The following RBFOX1 variants were observed in gnomAD, a reference collection of about 807,000 sequenced individuals.
RBFOX1 encodes the protein RNA binding protein fox-1 homolog 1.
Under a neutral mutation model 57.7 loss-of-function variants are expected in RBFOX1, and 8 were observed. The ratio of observed to expected loss-of-function variants is 0.14; its 90% CI spans 0.08 to 0.25. The LOEUF (loss-of-function observed/expected upper bound fraction) is 0.25. Among genes scored for constraint, RBFOX1 ranks in the 10% least tolerant of loss-of-function variants. The pLI is 1.00. For missense variants in RBFOX1, 611 were observed against 548.5 expected, an observed-to-expected ratio of 1.11 and a Z score of -1.14; for synonymous variants, 326 against 222.4, an observed-to-expected ratio of 1.47 and a Z score of -4.15.
At chr16:6,252,802 CA>C (rs1221635472) in intron 1 of RBFOX1, among the ~76,000 whole-genome samples, 2 of 152,150 alleles carry the variant, frequency 1.3e-5, no homozygotes, top group Non-Finnish European at 2.9e-5. Context: ...AATTAGCAAA[CA>C]GTTCCTGATA....
At chr16:6,428,094 G>C (rs1447031992) in intron 2 of RBFOX1, among the ~76,000 whole-genome samples, 3 of 151,868 alleles carry the variant, frequency 2.0e-5, no homozygotes, top group Admixed American at 2.0e-4. Flanking sequence ...ATCAACCTGG[G>C]CAACATAGTG....
At chr16:7,091,500 TC>T (rs1218429253) in intron 4 of RBFOX1, among the ~76,000 whole-genome samples, 1 of 151,840 alleles carries the variant, frequency 6.6e-6, no homozygotes, top group East Asian at 1.9e-4. Flanking sequence ...GCAGCATCTC[TC>T]CTTTTACCAA....
At chr16:7,561,192 C>A (rs912286615) in intron 5 of RBFOX1, among the ~76,000 whole-genome samples, 4 of 152,186 alleles carry the variant, frequency 2.6e-5, no homozygotes, top group Non-Finnish European at 5.9e-5. Flanking sequence ...CAAATCCAGC[C>A]CACTGTCTCT....
At chr16:7,345,381 T>A (rs1398937561) in intron 4 of RBFOX1, among the ~76,000 whole-genome samples, 1 of 152,024 alleles carries the variant, frequency 6.6e-6, no homozygotes, top group Admixed American at 6.5e-5. Context: ...ATGACCATCT[T>A]AATAAGGCTG....
chr16:7,076,800 C>G (rs147078236), intron 4 of RBFOX1, among the ~76,000 whole-genome samples: 1 of 152,252 alleles, frequency 6.6e-6, no homozygotes, highest in Non-Finnish European at 1.5e-5. Context: ...GGTTTATATG[C>G]CCACTCATAT....
At chr16:7,112,657 G>A (rs1320718861) in intron 4 of RBFOX1, among the ~76,000 whole-genome samples, 1 of 68,510 alleles carries the variant, frequency 1.5e-5, no homozygotes, top group Admixed American at 1.6e-4. Flanking sequence ...GCCTCAATAT[G>A]TAAACTCTGT....
intron 3 of RBFOX1, among the ~76,000 whole-genome samples, chr16:5,666,218 C>T (rs1342820421): frequency 6.6e-6 from 1 of 152,178 alleles, no homozygotes; most frequent in Non-Finnish European, 1.5e-5. Flanking sequence ...CTTCGCAGAG[C>T]GCGGGGCATC....
At chr16:5,241,904 C>G (rs1490961204) in intron 1 of RBFOX1, among the ~76,000 whole-genome samples, 1 of 151,678 alleles carries the variant, frequency 6.6e-6, no homozygotes, top group Non-Finnish European at 1.5e-5. Context: ...AGTTTAAGAC[C>G]AGCCTGGGCA....
At chr16:6,565,557 C>G (rs1180781443) in intron 2 of RBFOX1, among the ~76,000 whole-genome samples, 4 of 151,888 alleles carry the variant, frequency 2.6e-5, no homozygotes, top group East Asian at 3.9e-4. Context: ...GCGCCCAGCT[C>G]CCAGATTCAA....
intron 1 of RBFOX1, among the ~76,000 whole-genome samples, chr16:6,276,405 G>C (rs918564018): frequency 1.3e-5 from 2 of 152,134 alleles, no homozygotes; most frequent in African/African-American, 4.8e-5. Flanking sequence ...CACGATCTTG[G>C]CTCACTACCA....
chr16:6,993,091 C>G (rs534855724), intron 3 of RBFOX1, among the ~76,000 whole-genome samples: 1 of 152,176 alleles, frequency 6.6e-6, no homozygotes, highest in East Asian at 1.9e-4. Flanking sequence ...TTTTGTTAGT[C>G]TACTGCATTC....
At chr16:6,872,521 AT>A (rs1278522802) in intron 3 of RBFOX1, among the ~76,000 whole-genome samples, 1 of 152,118 alleles carries the variant, frequency 6.6e-6, no homozygotes, top group Admixed American at 6.6e-5. Context: ...TGATTTTCTT[AT>A]TTGAAAGTCT....
At chr16:7,018,177 G>A (rs939960394) in intron 3 of RBFOX1, among the ~76,000 whole-genome samples, 6 of 152,084 alleles carry the variant, frequency 3.9e-5, no homozygotes, top group Admixed American at 2.0e-4. Flanking sequence ...TCCACGAGCC[G>A]TGCATTCGTG....
intron 3 of RBFOX1, among the ~76,000 whole-genome samples, chr16:6,678,624 T>C (rs1241102640): frequency 1.3e-5 from 2 of 151,436 alleles, no homozygotes; most frequent in South Asian, 2.1e-4. Flanking sequence ...AGATTTTTCC[T>C]TTTTGCTTTA....
intron 4 of RBFOX1, among the ~76,000 whole-genome samples, chr16:5,908,926 G>A (rs1177059802): frequency 6.6e-6 from 1 of 151,986 alleles, no homozygotes; most frequent in Non-Finnish European, 1.5e-5. Flanking sequence ...CAAGAAGCTG[G>A]CTGTCTGTCA....
chr16:6,995,700 G>A (rs1221360054), intron 3 of RBFOX1, among the ~76,000 whole-genome samples: 2 of 151,840 alleles, frequency 1.3e-5, no homozygotes, highest in Admixed American at 1.3e-4. Flanking sequence ...CACAGAGGTT[G>A]CAGTGAGCCA....
chr16:5,859,021 A>G (rs563812388), intron 3 of RBFOX1, among the ~76,000 whole-genome samples: 70 of 152,302 alleles, frequency 4.6e-4, no homozygotes, highest in African/African-American at 1.7e-3. Context: ...TCAAGCCTGC[A>G]TGGTGAAACC....
chr16:5,972,108 T>A (rs934878970), intron 4 of RBFOX1, among the ~76,000 whole-genome samples: 1 of 152,212 alleles, frequency 6.6e-6, no homozygotes, highest in Non-Finnish European at 1.5e-5. Flanking sequence ...CTCCTGGGCC[T>A]CCAGCATGCT....
chr16:6,979,848 T>C (rs1034656617), intron 3 of RBFOX1, among the ~76,000 whole-genome samples: 7 of 152,190 alleles, frequency 4.6e-5, no homozygotes, highest in Non-Finnish European at 1.0e-4. Context: ...TGTTGGGCTC[T>C]GTGATGTGTT....
Sources: allele counts gnomAD v4.1 joint callset (sites outside exome capture counted in the v4.1 genomes callset), GRCh38; gene constraint gnomAD v4.1.1; transcripts MANE v1.5; gene names NCBI Gene and HGNC (gene_info 2026-07-23, HGNC 2026-07-21).